Variants in CCL1 observed in about 807,000 individuals in gnomAD.
The protein encoded by CCL1 is C-C motif chemokine 1.
Under a neutral mutation model 7.5 loss-of-function variants are expected in CCL1, and 9 were observed. The observed-to-expected ratio is 1.20, with a 90% confidence interval of 0.72 to 2.09. The LOEUF (loss-of-function observed/expected upper bound fraction) is 2.09, where lower values mean the gene tolerates loss of function less well. CCL1 is among the 30% of genes most tolerant of loss of function. The probability of loss-of-function intolerance (pLI) is 0.00; values close to 1 mark genes in which losing one functional copy is unlikely to be tolerated. For missense variants in CCL1, 110 were observed against 113.7 expected, an observed-to-expected ratio of 0.97 and a Z score of 0.15; for synonymous variants, 48 against 44.7, an observed-to-expected ratio of 1.07 and a Z score of -0.30.
intron 1 of CCL1, 117 bp downstream of exon 1, chr17:34,362,969 T>C: frequency 2.3e-6 from 2 of 875,794 alleles, no homozygotes; most frequent in South Asian, 3.1e-5. Context: ...CCTCTTTAGG[T>C]AGGAAGAGGG....
At chr17:34,361,014 G>T (rs1910491402) in intron 2 of CCL1, among the ~76,000 whole-genome samples, 1 of 152,040 alleles carries the variant, frequency 6.6e-6, no homozygotes. Context: ...TCCATCTGGG[G>T]CCTTACTTGT....
chr17:34,363,133 C>G lies in CCL1; in HGVS notation c.29G>C (p.Cys10Ser), dbSNP rs377618775. The G allele has an allele frequency of 4.3e-6, 7 of 1,613,640 alleles. No individual in the cohort carries two copies. The highest frequency in any genetic ancestry group is 3.4e-6 in the Non-Finnish European group (4 of 1,180,030). MQIITTALVCLLLAGMWPED... is the reference protein window; with the variant it reads MQIITTALVSLLLAGMWPED... ...CGGCCACATCCCAGCTAGCAGCAAGCACACCAGGGCTGTGGTGATGATCTG... is the reference window on the plus strand; with the variant it reads ...CGGCCACATCCCAGCTAGCAGCAAGGACACCAGGGCTGTGGTGATGATCTG... Residue 10 changes from cysteine (C) to serine (S), a missense_variant, in exon 1 of 3, where the codon TGC (cysteine) becomes TCC (serine). Transcript: ENST00000225842.
intron 2 of CCL1, among the ~76,000 whole-genome samples, chr17:34,361,513 C>T (rs1910505708): frequency 6.6e-6 from 1 of 152,194 alleles, no homozygotes; most frequent in African/African-American, 2.4e-5. Context: ...TTTGTTAAAC[C>T]TCTGAGCTCA....
intron 2 of CCL1, 149 bp from the exon 3 acceptor site, chr17:34,360,810 G>T: frequency 1.6e-6 from 1 of 642,210 alleles, no homozygotes; most frequent in East Asian, 2.7e-5. Flanking sequence ...TTGCTGCACA[G>T]GATGTGTGGT....
rs1910479079 is a variant in CCL1 at position 34,360,567 on chromosome 17, T to C, written c.283A>G (p.Arg95Gly). Residue 95 changes from arginine (R) to glycine (G), a missense_variant, in exon 3 of 3, where the codon AGA becomes GGA. Arg to Gly is a moderately radical substitution (Grantham distance 125). Transcript: ENST00000225842. The part of the protein sequence containing the change: ...RKMLRHCPSK[R>G]K The stretch of plus-strand genomic sequence containing the variant: ...AATGGAAAGAAATCTGCTCATTTTC[T>C]TTTTGACGGGCAGTGCCTCAGCATT... 1 of 1,613,360 alleles carries C rather than the reference T, an allele frequency of 6.2e-7. No homozygotes were observed. Among genetic ancestry groups the C allele is most frequent in the Non-Finnish European group, 8.5e-7 (1 of 1,179,416 alleles).
intron 2 of CCL1, 36 bp from the exon 3 acceptor site, chr17:34,360,697 C>A: frequency 6.5e-7 from 1 of 1,545,942 alleles, no homozygotes; most frequent in Middle Eastern, 2.2e-4. Context: ...GCTGAGCCAC[C>A]CAAGCCACCA....
At position 34,360,464 on chromosome 17, in the gene CCL1, G is replaced by A; in HGVS notation, c.*95C>T. On this transcript the variant is annotated 3_prime_UTR_variant, in exon 3 of 3. Coordinates refer to ENST00000225842, the MANE Select transcript of CCL1 (RefSeq NM_002981.2). ...GACCAAGCAGATCCTCTGTGACCTA[G>A]CAAAAGCAGGGCAGAAGGAATGGTG... The A allele has an allele frequency of 1.1e-6, 1 of 940,906 alleles. No homozygotes were observed. Among genetic ancestry groups the A allele is most frequent in the South Asian group, 1.3e-5 (1 of 76,192 alleles). 58.3% of individuals were successfully genotyped at this position (940,906 alleles called of 1,614,324 possible). A position where few individuals can be genotyped will look rare whatever the true frequency, so the allele number is the denominator to read the frequency against.
rs777555140 is a variant in CCL1 at position 34,363,157 on chromosome 17, T to C, written c.5A>G (p.Gln2Arg). ...GCACACCAGGGCTGTGGTGATGATC[T>C]GCATGTCTTCTGGTCTGGCTTGGGC... M[Q>R]IITTALVCLL... The change falls in exon 1 of 3, where the codon CAG (glutamine) becomes CGG (arginine). Residue 2 changes from glutamine (Q) to arginine (R), a missense_variant. Physicochemically the swap from Gln to Arg is conservative, Grantham distance 43. Transcript: ENST00000225842. 1 of 1,613,810 alleles carries C rather than the reference T, an allele frequency of 6.2e-7. No individual in the cohort carries two copies. The highest frequency in any genetic ancestry group is 2.2e-5 in the East Asian group (1 of 44,874).
chr17:34,361,493 C>G (rs1389363212), intron 2 of CCL1, among the ~76,000 whole-genome samples: 1 of 152,150 alleles, frequency 6.6e-6, no homozygotes, highest in Non-Finnish European at 1.5e-5. Flanking sequence ...GCACAATAAC[C>G]CCTCATGCTT....
chr17:34,361,267 A>C (rs1301821271), intron 2 of CCL1, among the ~76,000 whole-genome samples: 2 of 152,178 alleles, frequency 1.3e-5, no homozygotes, highest in Non-Finnish European at 2.9e-5. Context: ...TATACATGAA[A>C]AAGCCTTAAA....
At chr17:34,361,487 A>C (rs3138031) in intron 2 of CCL1, among the ~76,000 whole-genome samples, 17,507 of 152,246 alleles carry the variant, frequency 0.11, 1,287 homozygotes, top group Middle Eastern at 0.17. Flanking sequence ...TCCAGTGCAC[A>C]ATAACCCCTC....
chr17:34,363,154 A>G lies in CCL1; in HGVS notation c.8T>C (p.Ile3Thr). The change falls in exon 1 of 3, where the codon ATC becomes ACC. Residue 3 changes from isoleucine to threonine, a missense_variant. Ile to Thr is a moderately conservative substitution (Grantham distance 89, BLOSUM62 -1). Transcript: ENST00000225842. ...CAAGCACACCAGGGCTGTGGTGATGATCTGCATGTCTTCTGGTCTGGCTTG... is the reference window on the plus strand; with the variant it reads ...CAAGCACACCAGGGCTGTGGTGATGGTCTGCATGTCTTCTGGTCTGGCTTG... MQ[I>T]ITTALVCLLL... is the part of the protein sequence containing the mutation. 6.2e-7 allele frequency: 1 copy of G among 1,613,730 alleles called. No homozygotes were observed. Among genetic ancestry groups the G allele is most frequent in the Middle Eastern group, 1.6e-4 (1 of 6,062 alleles).
chr17:34,362,778 G>T (rs1910539258), intron 1 of CCL1, among the ~76,000 whole-genome samples: 1 of 152,106 alleles, frequency 6.6e-6, no homozygotes, highest in Non-Finnish European at 1.5e-5. Flanking sequence ...CTACACCCAG[G>T]CTGTCCCCTG....
At chr17:34,361,707 C>A in intron 2 of CCL1, 78 bp downstream of exon 2, 3 of 966,292 alleles carry the variant, frequency 3.1e-6, no homozygotes, top group South Asian at 1.4e-5. Context: ...AAAATACTGT[C>A]ATCTAGTGTC....
chr17:34,360,639 C>T lies in CCL1; in HGVS notation c.211G>A (p.Glu71Lys). Residue 71 changes from glutamate to lysine, a missense_variant, in exon 3 of 3, where the codon GAG (glutamate) becomes AAG (lysine). Glu to Lys is a moderately conservative substitution (Grantham distance 56, BLOSUM62 1). Coordinates refer to ENST00000225842, the MANE Select transcript of CCL1 (RefSeq NM_002981.2). ...GLIFKLKRGK[E>K]ACALDTVGWV... is the part of the protein sequence containing the mutation. ...CCAACTGTGTCCAAGGCGCAGGCCT[C>T]TTTGCCTCTCTTCAGCTTGAATCTG... 4 of 1,613,284 alleles carry T rather than the reference C, an allele frequency of 2.5e-6. No homozygotes were observed. The African/African-American group carries it at 4.0e-5, about 16-fold the overall frequency.
intron 2 of CCL1, 39 bp from the exon 3 acceptor site, chr17:34,360,700 A>G: frequency 8.0e-6 from 12 of 1,497,216 alleles, no homozygotes; most frequent in East Asian, 2.3e-5. Flanking sequence ...GAGCCACCCA[A>G]GCCACCACTG....
rs933461706 is a variant in CCL1 at position 34,360,449 on chromosome 17, A to C, written c.*110T>G. 2.4e-6 allele frequency: 2 copies of C among 821,910 alleles called. No individual in the cohort carries two copies. Among genetic ancestry groups the C allele is most frequent in the Non-Finnish European group, 2.1e-6 (1 of 470,748 alleles). 50.9% of individuals were successfully genotyped at this position (821,910 alleles called of 1,614,324 possible). A position where few individuals can be genotyped will look rare whatever the true frequency, so the allele number is the denominator to read the frequency against. On this transcript the variant is annotated 3_prime_UTR_variant, in exon 3 of 3. Transcript: ENST00000225842. The stretch of plus-strand genomic sequence containing the variant: ...AACATAGCTTATCAAGACCAAGCAG[A>C]TCCTCTGTGACCTAGCAAAAGCAGG...
chr17:34,361,648 G>C (rs1910508964), intron 2 of CCL1, 137 bp downstream of exon 2: 3 of 638,332 alleles, frequency 4.7e-6, no homozygotes, highest in Non-Finnish European at 8.6e-6. Flanking sequence ...CCCAAGTGTG[G>C]CTTGCACCCA....
In CCL1 at chr17:34,360,560, C is replaced by A; in HGVS notation, c.290G>T (p.Ter97LeuextTer49). The change falls in exon 3 of 3, where the codon TGA becomes TTA. Residue 97 changes from the stop codon to leucine (L), a stop_lost. Coordinates refer to ENST00000225842, the MANE Select transcript of CCL1 (RefSeq NM_002981.2). ...MLRHCPSKRK[*>L] ...AGCCCACAATGGAAAGAAATCTGCT[C>A]ATTTTCTTTTTGACGGGCAGTGCCT... The A allele has an allele frequency of 6.2e-7, 1 of 1,611,720 alleles. No individual in the cohort carries two copies. The highest frequency in any genetic ancestry group is 1.1e-5 in the South Asian group (1 of 91,002).
Sources: allele counts gnomAD v4.1 joint callset (sites outside exome capture counted in the v4.1 genomes callset), GRCh38; gene constraint gnomAD v4.1.1; transcripts MANE v1.5; gene names NCBI Gene and HGNC (gene_info 2026-07-23, HGNC 2026-07-21).